Variants in CSTF3 observed in about 807,000 individuals in gnomAD.
The protein encoded by CSTF3 is cleavage stimulation factor subunit 3.
In CSTF3, 29 loss-of-function variants were observed where a neutral mutation model predicts 105.8. The observed-to-expected ratio is 0.27, with a 90% confidence interval of 0.20 to 0.37. The LOEUF (loss-of-function observed/expected upper bound fraction) is 0.37, where lower values mean the gene tolerates loss of function less well. Among genes scored for constraint, CSTF3 ranks in the 10% least tolerant of loss-of-function variants. The probability of loss-of-function intolerance (pLI) is 1.00; values close to 1 mark genes in which losing one functional copy is unlikely to be tolerated. For missense variants in CSTF3, 357 were observed against 879.3 expected, an observed-to-expected ratio of 0.41 and a Z score of 7.51; for synonymous variants, 252 against 281.9, an observed-to-expected ratio of 0.89 and a Z score of 1.06.
chr11:33,149,466 T>C (rs933972504), intron 1 of CSTF3, among the ~76,000 whole-genome samples: 2 of 152,266 alleles, frequency 1.3e-5, no homozygotes, highest in Non-Finnish European at 2.9e-5. Context: ...GAAGCATTTT[T>C]GTTTTCTGGC....
chr11:33,123,890 A>G (rs1358176679), intron 3 of CSTF3, among the ~76,000 whole-genome samples: 3 of 152,048 alleles, frequency 2.0e-5, no homozygotes, highest in Non-Finnish European at 4.4e-5. Flanking sequence ...ATTTTAATAT[A>G]TACACATATA....
At chr11:33,139,826 C>T (rs1855691154) in intron 3 of CSTF3, among the ~76,000 whole-genome samples, 1 of 151,912 alleles carries the variant, frequency 6.6e-6, no homozygotes, top group East Asian at 1.9e-4. Context: ...CTCTTCATTT[C>T]ATTATATGAA....
chr11:33,094,700 G>C (rs1855200885), intron 15 of CSTF3, among the ~76,000 whole-genome samples: 1 of 152,000 alleles, frequency 6.6e-6, no homozygotes, highest in Non-Finnish European at 1.5e-5. Flanking sequence ...TCATTAAGCT[G>C]AAATACAAAA....
intron 3 of CSTF3, among the ~76,000 whole-genome samples, chr11:33,137,905 T>G (rs1177498432): frequency 6.6e-6 from 1 of 151,824 alleles, no homozygotes; most frequent in Non-Finnish European, 1.5e-5. Context: ...TAAATTGCTA[T>G]GTAAAGGTAT....
At chr11:33,107,169 C>A (rs183376619) in intron 5 of CSTF3, among the ~76,000 whole-genome samples, 1 of 151,392 alleles carries the variant, frequency 6.6e-6, no homozygotes, top group East Asian at 2.0e-4. Context: ...GAAAAAAAAT[C>A]AGCCAGGTGT....
chr11:33,136,675 A>C (rs1293766581), intron 3 of CSTF3, among the ~76,000 whole-genome samples: 3 of 151,932 alleles, frequency 2.0e-5, no homozygotes, highest in Non-Finnish European at 4.4e-5. Flanking sequence ...AAAAAGTCTC[A>C]TGTGTTAGAA....
At chr11:33,156,489 T>C (rs1038653143) in intron 1 of CSTF3, among the ~76,000 whole-genome samples, 1 of 152,172 alleles carries the variant, frequency 6.6e-6, no homozygotes, top group Non-Finnish European at 1.5e-5. Context: ...ACACATACTC[T>C]TCATTATTTT....
intron 15 of CSTF3, 22 bp from the exon 16 acceptor site, chr11:33,092,362 T>A: frequency 1.4e-6 from 2 of 1,403,906 alleles, no homozygotes; most frequent in Non-Finnish European, 1.9e-6. Context: ...AAAAAGATTT[T>A]AATTTTTTTA....
intron 3 of CSTF3, among the ~76,000 whole-genome samples, chr11:33,117,646 A>G (rs775316802): frequency 8.0e-6 from 1 of 124,946 alleles, no homozygotes; most frequent in Non-Finnish European, 1.8e-5. Context: ...CCACTATACT[A>G]TACTGCTCTC....
intron 8 of CSTF3, among the ~76,000 whole-genome samples, chr11:33,105,143 C>A (rs1238787265): frequency 1.3e-5 from 2 of 152,202 alleles, no homozygotes; most frequent in African/African-American, 4.8e-5. Context: ...ACCAATAACA[C>A]AAAGATCTTG....
chr11:33,157,584 T>TG (rs1849883879), intron 1 of CSTF3, among the ~76,000 whole-genome samples: 8 of 152,022 alleles, frequency 5.3e-5, no homozygotes, highest in Admixed American at 5.2e-4. Flanking sequence ...CTACTAGAGT[T>TG]GAAAAAAAAA....
At chr11:33,145,779 A>G (rs1029350920) in intron 1 of CSTF3, among the ~76,000 whole-genome samples, 1 of 152,168 alleles carries the variant, frequency 6.6e-6, no homozygotes, top group African/African-American at 2.4e-5. Flanking sequence ...GCGCCACTGC[A>G]CTCCAGCCTG....
intron 17 of CSTF3, among the ~76,000 whole-genome samples, chr11:33,089,763 G>A: frequency 6.6e-6 from 1 of 152,326 alleles, no homozygotes; most frequent in African/African-American, 2.4e-5. Flanking sequence ...GAGAATGATG[G>A]TCAGGAACAT....
At chr11:33,102,154 C>T (rs1212522466) in intron 10 of CSTF3, 23 bp downstream of exon 10, 1 of 1,604,722 alleles carries the variant, frequency 6.2e-7, no homozygotes, top group African/African-American at 1.3e-5. Context: ...TAACTGAAGT[C>T]CCATGAGGGT....
intron 3 of CSTF3, among the ~76,000 whole-genome samples, chr11:33,132,414 T>A (rs1449500100): frequency 6.6e-6 from 1 of 151,438 alleles, no homozygotes; most frequent in East Asian, 1.9e-4. Flanking sequence ...ATTTTAGAGA[T>A]GGGGTGATTA....
chr11:33,120,752 A>C (rs1855479111), intron 3 of CSTF3, among the ~76,000 whole-genome samples: 1 of 151,968 alleles, frequency 6.6e-6, no homozygotes. Flanking sequence ...ATGTGGATAA[A>C]ACTACCAGTT....
intron 3 of CSTF3, among the ~76,000 whole-genome samples, chr11:33,138,156 A>T (rs1238985953): frequency 6.6e-6 from 1 of 151,864 alleles, no homozygotes; most frequent in Non-Finnish European, 1.5e-5. Flanking sequence ...CAGCTTTCAC[A>T]GACAGCAAGA....
chr11:33,097,060 AT>A (rs1230776810), intron 13 of CSTF3, 82 bp from the exon 14 acceptor site: 13 of 956,862 alleles, frequency 1.4e-5, no homozygotes, highest in Non-Finnish European at 1.9e-5. Flanking sequence ...TACCCAATAA[AT>A]TAGAAAGTAG....
At chr11:33,145,425 C>CA (rs1855769093) in intron 1 of CSTF3, among the ~76,000 whole-genome samples, 3 of 151,144 alleles carry the variant, frequency 2.0e-5, no homozygotes, top group East Asian at 3.9e-4. Context: ...GACTCTGTGT[C>CA]AAAAAAACAT....
Sources: gnomAD v4.1 joint callset for allele counts (sites outside exome capture counted in the v4.1 genomes callset) on GRCh38, gnomAD v4.1.1 for gene constraint, MANE v1.5 for transcripts, NCBI Gene and HGNC (gene_info 2026-07-23, HGNC 2026-07-21) for gene names.